The following ZDHHC23 variants were observed in gnomAD, a reference collection of about 807,000 sequenced individuals.
ZDHHC23 encodes the protein zDHHC palmitoyltransferase 23, also known as palmitoyltransferase ZDHHC23.
In ZDHHC23, 41 loss-of-function variants were observed where a neutral mutation model predicts 40.2. The ratio of observed to expected loss-of-function variants is 1.02; its 90% CI spans 0.79 to 1.32. ZDHHC23 has a LOEUF of 1.32. Ranked by LOEUF, ZDHHC23 falls within the 40% of genes most tolerant of loss-of-function variation. ZDHHC23 has a pLI of 0.00. For synonymous variants in ZDHHC23, 204 were observed against 210.2 expected (o/e 0.97, Z 0.26); for missense variants, 471 against 541.5 (o/e 0.87, Z 1.29).
chr3:113,966,075 C>T (rs1373199907), downstream of ZDHHC23, among the ~76,000 whole-genome samples: 1 of 152,086 alleles, frequency 6.6e-6, no homozygotes, highest in African/African-American at 2.4e-5. Context: ...GAAACCACAA[C>T]CCTCAACGCA....
chr3:113,958,535 A>G lies in ZDHHC23; in HGVS notation c.1213A>G (p.Thr405Ala). ...RRLLCGLIVD[T>A]GQYNRGFLRN... ...GCTCCTCTGCGGGCTCATCGTGGAC[A>G]CAGGCCAGTACAATAGGGGCTTCCT... is the stretch of plus-strand genomic sequence containing the variant. The change falls in exon 5 of 5, where the codon ACA (threonine) becomes GCA (alanine). Residue 405 changes from threonine to alanine, a missense_variant. Physicochemically the swap from Thr to Ala is moderately conservative, Grantham distance 58. Around this residue, in one of 3 missense-constraint regions of ZDHHC23, gnomAD observed 346 missense variants for 399.8 expected, o/e 0.87. Coordinates refer to ENST00000638807, the MANE Select transcript of ZDHHC23 (RefSeq NM_001320466.2). The G allele has an allele frequency of 6.2e-7, 1 of 1,613,174 alleles. No homozygotes were observed. The highest frequency in any genetic ancestry group is 8.5e-7 in the Non-Finnish European group (1 of 1,180,010).
At chr3:113,971,579 C>T in the ZDHHC23 span, among the ~76,000 whole-genome samples, 1 of 152,204 alleles carries the variant, frequency 6.6e-6, no homozygotes, top group Middle Eastern at 3.4e-3. Flanking sequence ...ATTTGGTTTG[C>T]CGGTATTTGG....
chr3:113,976,102 T>C, the ZDHHC23 span, among the ~76,000 whole-genome samples: 1 of 144,334 alleles, frequency 6.9e-6, no homozygotes, highest in African/African-American at 2.5e-5. Flanking sequence ...CTACTAAAAA[T>C]ACAAAAATTA....
In ZDHHC23 at chr3:113,958,615, C is replaced by G. The variant is rs755103796; in HGVS notation, c.1293C>G (p.Ala431=). 1.3e-6 allele frequency: 2 copies of G among 1,599,316 alleles called. No homozygotes were observed. Among genetic ancestry groups the G allele is most frequent in the East Asian group, 2.2e-5 (1 of 44,760 alleles). The change falls in exon 5 of 5, where the codon GCC becomes GCG. Residue 431 remains alanine (A), a synonymous_variant. Transcript: ENST00000638807. ...TLGTRAFHHP[A]EDIV ...GCACACGTGCATTCCACCACCCTGC[C>G]GAGGACATTGTCTGAAGTGCCTTCT...
intron 3 of ZDHHC23, among the ~76,000 whole-genome samples, chr3:113,955,344 G>T (rs955482801): frequency 6.7e-6 from 1 of 150,074 alleles, no homozygotes; most frequent in Non-Finnish European, 1.5e-5. Context: ...TTCTACTTCT[G>T]TGTCTTCACT....
chr3:113,978,218 G>T, the ZDHHC23 span: 3 of 1,614,032 alleles, frequency 1.9e-6, no homozygotes, highest in Non-Finnish European at 2.5e-6. Flanking sequence ...TCTCATGCTT[G>T]CCCTGAGAAT....
At chr3:113,978,517 G>T in the ZDHHC23 span, 1 of 637,960 alleles carries the variant, frequency 1.6e-6, no homozygotes, top group Non-Finnish European at 2.7e-6. Context: ...AATGGTAAGA[G>T]AACACATGAA....
At chr3:113,955,244 C>T (rs890470201) in intron 3 of ZDHHC23, among the ~76,000 whole-genome samples, 6 of 152,116 alleles carry the variant, frequency 3.9e-5, no homozygotes, top group African/African-American at 9.7e-5. Context: ...GAGGCATTGG[C>T]GTGGGCCTCA....
At chr3:113,968,618 A>C (rs927417539), downstream of ZDHHC23, among the ~76,000 whole-genome samples, 2 of 147,536 alleles carry the variant, frequency 1.4e-5, no homozygotes, top group African/African-American at 2.5e-5. Context: ...CCTGGCTAAT[A>C]GTTTTTTGTT....
In ZDHHC23 at chr3:113,948,778, C is replaced by G. The variant is rs1323404043; in HGVS notation, c.-25C>G. 2 of 1,613,698 alleles carry G rather than the reference C, an allele frequency of 1.2e-6. No individual in the cohort carries two copies. Among genetic ancestry groups the G allele is most frequent in the Non-Finnish European group, 1.7e-6 (2 of 1,179,874 alleles). ...ACCTTTACCTTCTGAGGGCTTCTTA[C>G]GCCTCATGGTGACAGGTGCAAATCA... is the stretch of plus-strand genomic sequence containing the variant. On this transcript the variant is annotated 5_prime_UTR_variant, in exon 2 of 5. Coordinates refer to ENST00000638807, the MANE Select transcript of ZDHHC23 (RefSeq NM_001320466.2).
rs1004605218 is a variant in ZDHHC23 at position 113,962,387 on chromosome 3, C to G, written c.*3757C>G. ...TTAAAGACTGAACGGTTAGTGAAGA[C>G]AAATGTCTTAAGAGGCTGCGATGTC... On this transcript the variant is annotated 3_prime_UTR_variant, in exon 5 of 5. Transcript: ENST00000638807. 1 of 152,212 alleles carries G rather than the reference C, an allele frequency of 6.6e-6. No individual in the cohort carries two copies. The highest frequency in any genetic ancestry group is 1.5e-5 in the Non-Finnish European group (1 of 68,050). The allele number at this position is 152,212 out of a possible 1,614,324, so 9.4% of individuals were successfully genotyped here.
intron 2 of ZDHHC23, among the ~76,000 whole-genome samples, chr3:113,949,305 A>C (rs1234085877): frequency 6.6e-6 from 1 of 152,248 alleles, no homozygotes; most frequent in Non-Finnish European, 1.5e-5. Context: ...ATAGTTCCAG[A>C]AAGTTCCTGC....
chr3:113,973,594 A>AG, the ZDHHC23 span, among the ~76,000 whole-genome samples: 3 of 128,014 alleles, frequency 2.3e-5, no homozygotes, highest in East Asian at 2.2e-4. Context: ...CTTGGATGGC[A>AG]GGTTTTTTTT....
the ZDHHC23 span, chr3:113,978,396 TAAAC>T: frequency 5.4e-6 from 8 of 1,494,732 alleles, 1 homozygote; most frequent in South Asian, 8.1e-5. Context: ...TTAGAGCAAA[TAAAC>T]AGCACAAAAG....
In ZDHHC23 at chr3:113,958,608, A is replaced by G. The variant is rs767386428; in HGVS notation, c.1286A>G (p.His429Arg). The G allele has an allele frequency of 1.4e-5, 23 of 1,600,288 alleles. No individual in the cohort carries two copies. In the South Asian group the frequency reaches 2.3e-4, roughly 16 times the overall value. Residue 429 changes from histidine (H) to arginine (R), a missense_variant, in exon 5 of 5, where the codon CAC (histidine) becomes CGC (arginine). By Grantham distance (29) the His-to-Arg change is conservative. Around this residue, in one of 3 missense-constraint regions of ZDHHC23, gnomAD observed 346 missense variants for 399.8 expected, o/e 0.87. Coordinates refer to ENST00000638807, the MANE Select transcript of ZDHHC23 (RefSeq NM_001320466.2). ...FSTLGTRAFH[H>R]PAEDIV ...ACCCTGGGCACACGTGCATTCCACC[A>G]CCCTGCCGAGGACATTGTCTGAAGT...
downstream of ZDHHC23, among the ~76,000 whole-genome samples, chr3:113,967,302 C>T (rs575958597): frequency 3.3e-5 from 5 of 152,130 alleles, no homozygotes; most frequent in Non-Finnish European, 7.4e-5. Context: ...TGCATTTTAG[C>T]TCCTGCTGTT....
Position 113,959,176 on chromosome 3 carries a change from T to C in ZDHHC23, c.*546T>C. 3 of 1,066,982 alleles carry C rather than the reference T, an allele frequency of 2.8e-6. No individual in the cohort carries two copies. Among genetic ancestry groups the C allele is most frequent in the Non-Finnish European group, 3.4e-6 (3 of 875,242 alleles). 66.1% of individuals were successfully genotyped at this position (1,066,982 alleles called of 1,614,324 possible). A position where few individuals can be genotyped will look rare whatever the true frequency, so the allele number is the denominator to read the frequency against. The stretch of plus-strand genomic sequence containing the variant: ...GAAATACAAAGTATTAGGAAAATAT[T>C]ATGATGGAAGAAAAACGTTTATAGT... On this transcript the variant is annotated 3_prime_UTR_variant, in exon 5 of 5. Transcript: ENST00000638807.
downstream of ZDHHC23, among the ~76,000 whole-genome samples, chr3:113,966,527 G>A (rs1397520118): frequency 6.6e-6 from 1 of 152,186 alleles, no homozygotes; most frequent in Non-Finnish European, 1.5e-5. Context: ...CTGAATTTTT[G>A]TCAGGCAAAG....
downstream of ZDHHC23, among the ~76,000 whole-genome samples, chr3:113,967,386 T>A (rs1256447028): frequency 5.2e-5 from 6 of 115,446 alleles, no homozygotes; most frequent in African/African-American, 1.7e-4. Context: ...TTTCTCTTTC[T>A]TTCCCTACAT....
Sources: allele counts gnomAD v4.1 joint callset (sites outside exome capture counted in the v4.1 genomes callset), GRCh38; gene constraint gnomAD v4.1.1; regional missense constraint gnomAD v4.1.1; transcripts MANE v1.5; gene names NCBI Gene and HGNC (gene_info 2026-07-23, HGNC 2026-07-21).